The following ARHGEF4 variants were observed in gnomAD, a reference collection of about 807,000 sequenced individuals.
ARHGEF4 encodes the protein APC-stimulated guanine nucleotide exchange factor 1.
ARHGEF4 carries 119 observed loss-of-function variants against 162.0 expected under a neutral mutation model. The observed-to-expected ratio is 0.73, with a 90% CI of 0.63 to 0.86. The LOEUF (loss-of-function observed/expected upper bound fraction) is 0.86. ARHGEF4 is among the 40% of genes least tolerant of loss of function. The pLI is 0.00. For synonymous variants in ARHGEF4, 1,014 were observed against 979.9 expected, an observed-to-expected ratio of 1.03 and a Z score of -0.65; for missense variants, 2,488 against 2,456.0, an observed-to-expected ratio of 1.01 and a Z score of -0.28.
Position 131,040,079 on chromosome 2 carries a change from G to A in ARHGEF4, c.4369G>A (p.Glu1457Lys), listed in dbSNP as rs549648176. 3.1e-6 allele frequency: 5 copies of A among 1,604,450 alleles called. No homozygotes were observed. The African/African-American group carries it at 4.0e-5, about 13-fold the overall frequency. ...DAPLAGNSGA[E>K]DGGAEAQSSK... ...CCCTCTGGCCGGGAACAGCGGAGCGGAGGACGGCGGGGCGGAGGCGCAGAG... is the reference window on the plus strand; with the variant it reads ...CCCTCTGGCCGGGAACAGCGGAGCGAAGGACGGCGGGGCGGAGGCGCAGAG... Residue 1457 changes from glutamate to lysine, a missense_variant, in exon 7 of 14, where the codon GAG (glutamate) becomes AAG (lysine). Transcript: ENST00000409359.
intron 1 of ARHGEF4, among the ~76,000 whole-genome samples, chr2:130,881,485 T>TA (rs2104960531): frequency 6.6e-6 from 1 of 152,228 alleles, no homozygotes; most frequent in Non-Finnish European, 1.5e-5. Context: ...GCTCAGTACA[T>TA]AGCTGTAGTA....
intron 4 of ARHGEF4, among the ~76,000 whole-genome samples, chr2:130,985,948 TTGTG>T (rs145925423): frequency 6.6e-6 from 1 of 151,712 alleles, no homozygotes; most frequent in Admixed American, 6.6e-5. Flanking sequence ...GTGTTGAGTG[TTGTG>T]TGTGTGTGGT....
chr2:130,929,849 T>G (rs1425468519), intron 2 of ARHGEF4: 1 of 161,860 alleles, frequency 6.2e-6, no homozygotes, highest in Non-Finnish European at 1.4e-5. Flanking sequence ...CAGCAAAATC[T>G]TGCCTCATCA....
chr2:130,892,863 C>T (rs1414287689), intron 1 of ARHGEF4, among the ~76,000 whole-genome samples: 1 of 152,216 alleles, frequency 6.6e-6, no homozygotes, highest in Non-Finnish European at 1.5e-5. Context: ...CTCCAGCAGC[C>T]ACTCTCCCAC....
In ARHGEF4 at chr2:130,946,596, C is replaced by G. The variant is rs769988392; in HGVS notation, c.3946C>G (p.Leu1316Val). The change falls in exon 4 of 14, where the codon CTG (leucine) becomes GTG (valine). Residue 1316 changes from leucine to valine, a missense_variant. This residue lies in a region of ARHGEF4 where 1,642 missense variants were observed against 1,481.5 expected (regional missense o/e 1.11). Transcript: ENST00000409359. Reference sequence around the variant, plus strand: ...ACTCTCCCAGAGTGCTCCAACGGGACTGAACCACATGGGCTGGCCAGAGCA... The same window carrying G: ...ACTCTCCCAGAGTGCTCCAACGGGAGTGAACCACATGGGCTGGCCAGAGCA... ...HPLSQSAPTG[L>V]NHMGWPEHTP... The G allele has an allele frequency of 3.7e-6, 6 of 1,614,004 alleles. No homozygotes were observed. The East Asian group carries it at 1.3e-4, about 36-fold the overall frequency.
At chr2:131,034,251 C>T (rs1690065439) in intron 5 of ARHGEF4, among the ~76,000 whole-genome samples, 1 of 152,166 alleles carries the variant, frequency 6.6e-6, no homozygotes, top group Non-Finnish European at 1.5e-5. Flanking sequence ...CATGCCTGAG[C>T]GGAGTGTTTA....
intron 1 of ARHGEF4, among the ~76,000 whole-genome samples, chr2:130,847,665 C>T (rs962177409): frequency 6.6e-6 from 1 of 152,330 alleles, no homozygotes; most frequent in African/African-American, 2.4e-5. Context: ...AGCAGGGGCA[C>T]ATTTGGTGTC....
intron 4 of ARHGEF4, among the ~76,000 whole-genome samples, chr2:130,991,133 G>A (rs1300481366): frequency 1.3e-5 from 2 of 152,376 alleles, no homozygotes; most frequent in Non-Finnish European, 2.9e-5. Flanking sequence ...AACAATAACA[G>A]TGTGCCACTC....
Position 130,914,968 on chromosome 2 carries a change from C to G in ARHGEF4, c.1022C>G (p.Ala341Gly), listed in dbSNP as rs1236193658. 1.9e-6 allele frequency: 3 copies of G among 1,550,226 alleles called. No homozygotes were observed. The highest frequency in any genetic ancestry group is 2.6e-6 in the Non-Finnish European group (3 of 1,146,820). Reference protein sequence around the residue: ...MRALVRAHSIAGFSPECPEDP... With the variant: ...MRALVRAHSIGGFSPECPEDP... ...GCACTGGTCAGGGCCCATTCCATAG[C>G]AGGGTTTTCACCAGAGTGCCCCGAG... Residue 341 changes from alanine to glycine, a missense_variant, in exon 2 of 14, where the codon GCA (alanine) becomes GGA (glycine). Ala to Gly is a moderately conservative substitution (Grantham distance 60). Coordinates refer to ENST00000409359, the MANE Select transcript of ARHGEF4 (RefSeq NM_001367493.1).
chr2:130,940,739 G>A (rs1377714686), intron 3 of ARHGEF4, among the ~76,000 whole-genome samples: 28 of 150,006 alleles, frequency 1.9e-4, no homozygotes, highest in African/African-American at 6.4e-4. Context: ...GGCTGAGGCA[G>A]GAGAATGGCA....
chr2:130,848,156 T>C (rs549622209), intron 1 of ARHGEF4, among the ~76,000 whole-genome samples: 1 of 152,268 alleles, frequency 6.6e-6, no homozygotes, highest in East Asian at 1.9e-4. Flanking sequence ...TGGGTGACTT[T>C]GGCCTGAAGG....
Position 131,039,048 on chromosome 2 carries a change from C to T in ARHGEF4, c.4305+16C>T, listed in dbSNP as rs1476836733. 6.3e-6 allele frequency: 10 copies of T among 1,592,630 alleles called. No individual in the cohort carries two copies. Among genetic ancestry groups the T allele is most frequent in the Admixed American group, 5.2e-5 (3 of 57,472 alleles). On this transcript the variant is annotated intron_variant, in intron 6 of 13. Transcript: ENST00000409359. The stretch of plus-strand genomic sequence containing the variant: ...CTTCGTTCGGGTATGGTTCCAAGCC[C>T]CAGCTTCTCCCAAGTTGGGCCCATA...
intron 4 of ARHGEF4, among the ~76,000 whole-genome samples, chr2:130,990,070 A>G (rs1686840764): frequency 2.0e-5 from 3 of 152,382 alleles, no homozygotes; most frequent in South Asian, 2.1e-4. Context: ...GAAAAGGTAC[A>G]GGAAATTAGC....
intron 4 of ARHGEF4, among the ~76,000 whole-genome samples, chr2:130,989,001 G>C (rs1686756200): frequency 6.6e-6 from 1 of 150,714 alleles, no homozygotes; most frequent in Admixed American, 6.7e-5. Context: ...CGCTCTTGTT[G>C]CCCAGGCTGG....
At chr2:130,937,152 C>CG (rs1187491426) in intron 3 of ARHGEF4, among the ~76,000 whole-genome samples, 2 of 90,490 alleles carry the variant, frequency 2.2e-5, no homozygotes, top group Non-Finnish European at 3.0e-5. Flanking sequence ...CTCAGGTGAT[C>CG]TTCCCCCCTC....
Position 130,915,856 on chromosome 2 carries a change from A to T in ARHGEF4, c.1910A>T (p.Glu637Val). The change falls in exon 2 of 14, where the codon GAG becomes GTG. Residue 637 changes from glutamate (E) to valine (V), a missense_variant. Coordinates refer to ENST00000409359, the MANE Select transcript of ARHGEF4 (RefSeq NM_001367493.1). ...GGCGCCCTCATCATTGTAGCTGTGG[A>T]GCAGAAAGGTCTTCAGGCCAGCAGG... ...GRGALIIVAVEQKGLQASRSN... is the reference protein window; with the variant it reads ...GRGALIIVAVVQKGLQASRSN... 1 of 1,543,560 alleles carries T rather than the reference A, an allele frequency of 6.5e-7. No individual in the cohort carries two copies. Among genetic ancestry groups the T allele is most frequent in the South Asian group, 1.2e-5 (1 of 82,712 alleles).
intron 2 of ARHGEF4, among the ~76,000 whole-genome samples, chr2:130,920,187 C>T (rs1681788900): frequency 6.6e-6 from 1 of 152,190 alleles, no homozygotes; most frequent in African/African-American, 2.4e-5. Flanking sequence ...CGGTTCACTG[C>T]AGCCTGGATC....
Position 131,047,247 on chromosome 2 carries a change from AAAGT to A in ARHGEF4, c.*1061_*1064del, listed in dbSNP as rs1449856610. On this transcript the variant is annotated 3_prime_UTR_variant, in exon 14 of 14. Transcript: ENST00000409359. ...TTTAATTTCATAAATAAATTTATGA[AAAGT>A]AACCTGGCTGCTAGCCCGTTTTCTG... The A allele has an allele frequency of 1.3e-5, 2 of 151,138 alleles. No individual in the cohort carries two copies. The highest frequency in any genetic ancestry group is 4.1e-4 in the South Asian group (2 of 4,836). 9.4% of individuals were successfully genotyped at this position (151,138 alleles called of 1,614,324 possible).
rs184346514 is a variant in ARHGEF4, at chr2:131,028,983, C to T, written c.4125+899C>T. ...TCTCAGAAGCCAGTGAGGAGGGTGGCGTCCTCCTTACCCACTGGACAGAGG... is the reference window on the plus strand; with the variant it reads ...TCTCAGAAGCCAGTGAGGAGGGTGGTGTCCTCCTTACCCACTGGACAGAGG... On this transcript the variant is annotated intron_variant, in intron 5 of 13. Transcript: ENST00000409359. Among the ~76,000 whole-genome samples the T allele has an allele frequency of 1.7e-3, 260 of 152,242 alleles. 3 individuals carry two copies. In the South Asian group the frequency reaches 0.022, roughly 13 times the overall value.
Sources: allele counts gnomAD v4.1 joint callset (sites outside exome capture counted in the v4.1 genomes callset), GRCh38; gene constraint gnomAD v4.1.1; regional missense constraint gnomAD v4.1.1; transcripts MANE v1.5; gene names NCBI Gene and HGNC (gene_info 2026-07-23, HGNC 2026-07-21).